The following MEGF6 variants were observed in gnomAD, a reference collection of about 807,000 sequenced individuals.
MEGF6 encodes the protein multiple epidermal growth factor-like domains protein 6.
MEGF6 carries 184 observed loss-of-function variants against 207.1 expected under a neutral mutation model. That is an observed-to-expected ratio of 0.89 (90% CI 0.79 to 1.00). The LOEUF is 1.00. Among genes scored for constraint, MEGF6 ranks in the 50% least tolerant of loss-of-function variants. The pLI, the probability that MEGF6 is intolerant of heterozygous loss-of-function variation, is 0.00. For synonymous variants in MEGF6, 1,038 were observed against 910.0 expected, an observed-to-expected ratio of 1.14 and a Z score of -2.53; for missense variants, 2,282 against 2,202.9, an observed-to-expected ratio of 1.04 and a Z score of -0.72.
the MEGF6 span, among the ~76,000 whole-genome samples, chr1:3,616,591 C>A: frequency 1.3e-5 from 2 of 151,630 alleles, no homozygotes; most frequent in African/African-American, 4.9e-5. Context: ...GGGTGAGAGA[C>A]GGGGTGGGAG....
At chr1:3,508,527 C>T (rs1641203995) in intron 13 of MEGF6, 31 bp downstream of exon 13, 1 of 1,601,972 alleles carries the variant, frequency 6.2e-7, no homozygotes, top group Non-Finnish European at 8.5e-7. Context: ...AGGCCCCTTC[C>T]CAGCCCCCAG....
At chr1:3,555,908 T>C (rs1490540411) in intron 4 of MEGF6, among the ~76,000 whole-genome samples, 1 of 152,172 alleles carries the variant, frequency 6.6e-6, no homozygotes. Flanking sequence ...CAAATAAGTC[T>C]CCAACTCAAG....
intron 4 of MEGF6, among the ~76,000 whole-genome samples, chr1:3,531,837 C>T (rs909342067): frequency 2.2e-5 from 3 of 136,198 alleles, no homozygotes; most frequent in Non-Finnish European, 4.8e-5. Flanking sequence ...GGCCGCGGGG[C>T]GGGGGAGGGG....
chr1:3,506,223 G>A lies in MEGF6; in HGVS notation c.1803C>T (p.Gly601=). 6.2e-7 allele frequency: 1 copy of A among 1,609,148 alleles called. No homozygotes were observed. The highest frequency in any genetic ancestry group is 8.5e-7 in the Non-Finnish European group (1 of 1,178,390). Residue 601 remains glycine, a synonymous_variant, in exon 15 of 37, where the codon GGC becomes GGT. Transcript: ENST00000356575. ...TCTTGCGACAGTGCTTGCCATAGTAGCCCTTGGGGCAGCCTGGGGGCAGCG... is the reference window on the plus strand; with the variant it reads ...TCTTGCGACAGTGCTTGCCATAGTAACCCTTGGGGCAGCCTGGGGGCAGCG... The part of the protein sequence containing the change: ...GTNCEDGCPK[G]YYGKHCRKKC...
chr1:3,570,819 T>C (rs2101692736), intron 4 of MEGF6, among the ~76,000 whole-genome samples: 1 of 152,256 alleles, frequency 6.6e-6, no homozygotes, highest in South Asian at 2.1e-4. Context: ...GCACAGAGCC[T>C]GCTCAGGAGG....
chr1:3,489,010 T>C lies in MEGF6; in HGVS notation c.*1518A>G, dbSNP rs957355178. 1.3e-5 allele frequency among the ~76,000 whole-genome samples: 2 copies of C among 152,220 alleles called. No individual in the cohort carries two copies. The highest frequency in any genetic ancestry group is 4.8e-5 in the African/African-American group (2 of 41,438). The stretch of plus-strand genomic sequence containing the variant: ...GTTGTCTCTCTTTACGCCTCCCTGC[T>C]ATTCCTGGGAGAATCTCCTGAGCTG... On this transcript the variant is annotated 3_prime_UTR_variant, in exon 37 of 37. Coordinates refer to ENST00000356575, the MANE Select transcript of MEGF6 (RefSeq NM_001409.4).
chr1:3,491,736 A>C (rs1569914840), intron 35 of MEGF6, among the ~76,000 whole-genome samples: 1 of 117,404 alleles, frequency 8.5e-6, no homozygotes, highest in Non-Finnish European at 1.7e-5. Context: ...TGCAGAGACA[A>C]CCTTTCCCAA....
At chr1:3,608,724 G>A (rs898133078) in intron 1 of MEGF6, among the ~76,000 whole-genome samples, 3 of 152,190 alleles carry the variant, frequency 2.0e-5, no homozygotes, top group African/African-American at 7.2e-5. Context: ...AGCCCTGCGG[G>A]TCCATGCCTT....
rs746312519 is a variant in MEGF6 at position 3,498,445 on chromosome 1, T to A, written c.3278A>T (p.Asn1093Ile). Residue 1093 changes from asparagine to isoleucine, a missense_variant, in exon 26 of 37, where the codon AAC (asparagine) becomes ATC (isoleucine). Physicochemically the swap from Asn to Ile is moderately radical, Grantham distance 149. Coordinates refer to ENST00000356575, the MANE Select transcript of MEGF6 (RefSeq NM_001409.4). ...CGTGTGCGGGTCACACAGGCCCCCGTTGAGGCAACCGCCGCTGTGCCGGCA... is the reference window on the plus strand; with the variant it reads ...CGTGTGCGGGTCACACAGGCCCCCGATGAGGCAACCGCCGCTGTGCCGGCA... ...AGCRHSGGCL[N>I]GGLCDPHTGR... The A allele has an allele frequency of 7.0e-6, 11 of 1,578,786 alleles. No individual in the cohort carries two copies. In the South Asian group the frequency reaches 1.2e-4, roughly 18 times the overall value.
Position 3,497,217 on chromosome 1 carries a change from G to A in MEGF6, c.3481+16C>T. The stretch of plus-strand genomic sequence containing the variant: ...TGCCCAGCCGCTCCTCGGGGTGGGG[G>A]CTTGGGAGCACCTACCCTGCTCGCA... On this transcript the variant is annotated intron_variant, in intron 27 of 36. Transcript: ENST00000356575. The A allele has an allele frequency of 2.6e-6, 4 of 1,530,470 alleles. No homozygotes were observed. In the South Asian group the frequency reaches 3.8e-5, roughly 15 times the overall value. 94.8% of individuals were successfully genotyped at this position (1,530,470 alleles called of 1,614,324 possible).
chr1:3,566,987 TG>T (rs1194789830), intron 4 of MEGF6, among the ~76,000 whole-genome samples: 4 of 152,194 alleles, frequency 2.6e-5, no homozygotes, highest in African/African-American at 7.2e-5. Context: ...GGGCGGAAAC[TG>T]AGGCATAGTG....
At chr1:3,523,447 G>A (rs930875577) in intron 5 of MEGF6, among the ~76,000 whole-genome samples, 2 of 152,006 alleles carry the variant, frequency 1.3e-5, no homozygotes, top group African/African-American at 2.4e-5. Context: ...CCCTCCCTGC[G>A]GCCACAGTCC....
At chr1:3,617,138 G>GCCCGCCCTCCCACCCCCGGCTCCTGCCAT in the MEGF6 span, among the ~76,000 whole-genome samples, 1 of 126,082 alleles carries the variant, frequency 7.9e-6, no homozygotes, top group East Asian at 2.2e-4. Flanking sequence ...CCCCACAACT[G>GCCCGCCCTCCCACCCCCGGCTCCTGCCAT]CCCGCCCTCC....
chr1:3,587,319 A>T (rs185166555), intron 3 of MEGF6, among the ~76,000 whole-genome samples: 236 of 152,374 alleles, frequency 1.5e-3, no homozygotes, highest in Non-Finnish European at 2.9e-3. Flanking sequence ...GCCACATCAG[A>T]GGCCCTTGTA....
intron 1 of MEGF6, among the ~76,000 whole-genome samples, chr1:3,602,877 C>G (rs1440415046): frequency 6.6e-6 from 1 of 152,228 alleles, no homozygotes; most frequent in African/African-American, 2.4e-5. Context: ...TGCAACACAG[C>G]CACCAACGAC....
At chr1:3,617,350 C>T in the MEGF6 span, among the ~76,000 whole-genome samples, 5 of 56,906 alleles carry the variant, frequency 8.8e-5, no homozygotes, top group African/African-American at 1.3e-4. Context: ...CCACATCCTC[C>T]CCTGCCACCC....
the MEGF6 span, among the ~76,000 whole-genome samples, chr1:3,617,095 C>T: frequency 7.2e-5 from 11 of 152,120 alleles, no homozygotes; most frequent in South Asian, 1.2e-3. Flanking sequence ...CCTCCAACCC[C>T]GGACACACAG....
chr1:3,619,429 T>C, the MEGF6 span, among the ~76,000 whole-genome samples: 1 of 152,204 alleles, frequency 6.6e-6, no homozygotes, highest in African/African-American at 2.4e-5. Flanking sequence ...GCGTGTGATA[T>C]GACTGGTATG....
chr1:3,516,578 G>A (rs1213869663), intron 5 of MEGF6, among the ~76,000 whole-genome samples: 1 of 152,218 alleles, frequency 6.6e-6, no homozygotes, highest in Non-Finnish European at 1.5e-5. Flanking sequence ...ATCCCTGGGA[G>A]GTGCCTGGGC....
Sources: gnomAD v4.1 joint callset for allele counts (sites outside exome capture counted in the v4.1 genomes callset) on GRCh38, gnomAD v4.1.1 for gene constraint, MANE v1.5 for transcripts, NCBI Gene and HGNC (gene_info 2026-07-23, HGNC 2026-07-21) for gene names.